The following IKBKB variants were observed in gnomAD, a reference collection of about 807,000 sequenced individuals.
The protein encoded by IKBKB is inhibitor of nuclear factor kappa-B kinase subunit beta.
IKBKB carries 42 observed loss-of-function variants against 113.6 expected under a neutral mutation model. The ratio of observed to expected loss-of-function variants is 0.37; its 90% CI spans 0.29 to 0.48. The LOEUF (loss-of-function observed/expected upper bound fraction) is 0.48. Among genes scored for constraint, IKBKB ranks in the 20% least tolerant of loss-of-function variants. IKBKB has a pLI of 0.99. For missense variants in IKBKB, 673 were observed against 939.7 expected, an observed-to-expected ratio of 0.72 and a Z score of 3.71; for synonymous variants, 296 against 361.3, an observed-to-expected ratio of 0.82 and a Z score of 2.05.
chr8:42,288,939 C>T lies in IKBKB; in HGVS notation c.200+211C>T, dbSNP rs112182118. Among the ~76,000 whole-genome samples the T allele has an allele frequency of 4.6e-4, 70 of 152,242 alleles. 2 individuals carry two copies. Among genetic ancestry groups the T allele is most frequent in the African/African-American group, 1.4e-3 (58 of 41,542 alleles). On this transcript the variant is annotated intron_variant, in intron 3 of 21. Transcript: ENST00000520810. ...TCTACTAAAAATACAAAAAATTAGC[C>T]GGGCATGGGTGGGCGCCTGTAGTCC...
At chr8:42,276,553 C>T (rs1345347640) in intron 2 of IKBKB, among the ~76,000 whole-genome samples, 1 of 152,084 alleles carries the variant, frequency 6.6e-6, no homozygotes, top group Non-Finnish European at 1.5e-5. Context: ...CCATAGGTTC[C>T]ATAGGTTTAT....
At chr8:42,299,323 C>G (rs778702379) in intron 5 of IKBKB, among the ~76,000 whole-genome samples, 49 of 152,188 alleles carry the variant, frequency 3.2e-4, no homozygotes, top group Non-Finnish European at 1.8e-4. Context: ...GCGACCTCCT[C>G]CCTGGCCTCC....
At chr8:42,295,278 C>T (rs1456969367) in intron 5 of IKBKB, among the ~76,000 whole-genome samples, 1 of 152,082 alleles carries the variant, frequency 6.6e-6, no homozygotes, top group Non-Finnish European at 1.5e-5. Flanking sequence ...ACCACCACAC[C>T]TGGCTAATTG....
intron 2 of IKBKB, among the ~76,000 whole-genome samples, chr8:42,272,694 C>T (rs1808042068): frequency 1.3e-5 from 2 of 152,098 alleles, no homozygotes; most frequent in Non-Finnish European, 2.9e-5. Context: ...AATCTCAGCA[C>T]TTTGGGAGGC....
Position 42,318,634 on chromosome 8 carries a change from G to A in IKBKB, c.1323G>A (p.Lys441=), listed in dbSNP as rs764524196. 1.2e-6 allele frequency: 2 copies of A among 1,613,920 alleles called. No individual in the cohort carries two copies. The highest frequency in any genetic ancestry group is 4.5e-5 in the East Asian group (2 of 44,884). The part of the protein sequence containing the change: ...GQVWHSIQTL[K]EDCNRLQQGQ... ...TCTGGCACAGCATCCAGACCCTGAA[G>A]GAAGATTGCAACCGGCTGCAGCAGG... is the stretch of plus-strand genomic sequence containing the variant. The change falls in exon 13 of 22, where the codon AAG becomes AAA. Residue 441 remains lysine, a synonymous_variant. Coordinates refer to ENST00000520810, the MANE Select transcript of IKBKB (RefSeq NM_001556.3).
At chr8:42,280,310 T>G (rs772894370) in intron 2 of IKBKB, among the ~76,000 whole-genome samples, 2 of 152,178 alleles carry the variant, frequency 1.3e-5, no homozygotes, top group Non-Finnish European at 2.9e-5. Flanking sequence ...GGCCTCACCA[T>G]TCCACATTGT....
At chr8:42,319,542 T>C in intron 14 of IKBKB, 43 bp from the exon 15 acceptor site, 3 of 1,581,722 alleles carry the variant, frequency 1.9e-6, no homozygotes, top group Non-Finnish European at 2.6e-6. Flanking sequence ...TGTGGTGTTT[T>C]TATTTTGTTT....
intron 8 of IKBKB, among the ~76,000 whole-genome samples, chr8:42,311,214 A>G (rs1232842722): frequency 1.3e-5 from 2 of 152,252 alleles, no homozygotes; most frequent in African/African-American, 2.4e-5. Flanking sequence ...TAATGAAAAC[A>G]AAACATGAAT....
intron 4 of IKBKB, among the ~76,000 whole-genome samples, chr8:42,290,944 G>C (rs1049468804): frequency 1.3e-5 from 2 of 152,180 alleles, no homozygotes; most frequent in Non-Finnish European, 2.9e-5. Flanking sequence ...CCCTATGACA[G>C]TACCACACAG....
At position 42,331,405 on chromosome 8, in the gene IKBKB, G is replaced by A. The variant is rs1286107699; in HGVS notation, c.*426G>A. 1.4e-6 allele frequency: 1 copy of A among 702,682 alleles called. No individual in the cohort carries two copies. The highest frequency in any genetic ancestry group is 1.7e-5 in the African/African-American group (1 of 57,254). The allele number at this position is 702,682 out of a possible 1,614,324, so 43.5% of individuals were successfully genotyped here. On this transcript the variant is annotated 3_prime_UTR_variant, in exon 22 of 22. Coordinates refer to ENST00000520810, the MANE Select transcript of IKBKB (RefSeq NM_001556.3). The stretch of plus-strand genomic sequence containing the variant: ...GACAGTGTCCAATTCAAATCTTTCA[G>A]GGCAGAGTCCGAGCAGCGCTTGGTG...
intron 5 of IKBKB, among the ~76,000 whole-genome samples, chr8:42,303,837 A>AT (rs1443409929): frequency 6.6e-6 from 1 of 152,020 alleles, no homozygotes; most frequent in Admixed American, 6.5e-5. Context: ...TTTCTTATTG[A>AT]TTTATAAGAG....
At chr8:42,280,248 C>T (rs1199790670) in intron 2 of IKBKB, among the ~76,000 whole-genome samples, 6 of 152,234 alleles carry the variant, frequency 3.9e-5, no homozygotes, top group African/African-American at 9.6e-5. Flanking sequence ...AGTGAACAAG[C>T]GAGCCCCACC....
intron 2 of IKBKB, among the ~76,000 whole-genome samples, chr8:42,276,817 C>T (rs1316113091): frequency 6.6e-6 from 1 of 150,866 alleles, no homozygotes; most frequent in Non-Finnish European, 1.5e-5. Context: ...GCCTCAGCCT[C>T]CTGAGTAGCT....
At position 42,330,388 on chromosome 8, in the gene IKBKB, G is replaced by A. The variant is rs557411128; in HGVS notation, c.2206-526G>A. The A allele has an allele frequency of 9.7e-5, 84 of 867,458 alleles. No individual in the cohort carries two copies. The South Asian group carries it at 4.1e-3, about 42-fold the overall frequency. 53.7% of individuals were successfully genotyped at this position (867,458 alleles called of 1,614,324 possible). On this transcript the variant is annotated intron_variant, in intron 21 of 21. Transcript: ENST00000520810. ...TTTTATGCAGCCTGGGTCTTGCTATGTTGCCCAGGCTGGTCTTGAACTCCT... is the reference window on the plus strand; with the variant it reads ...TTTTATGCAGCCTGGGTCTTGCTATATTGCCCAGGCTGGTCTTGAACTCCT...
intron 2 of IKBKB, among the ~76,000 whole-genome samples, chr8:42,277,085 C>T (rs1262092085): frequency 1.3e-4 from 19 of 151,218 alleles, no homozygotes; most frequent in South Asian, 2.1e-4. Context: ...TTAGCCAGGA[C>T]GGTCTCAATC....
chr8:42,302,515 C>T (rs181903811), intron 5 of IKBKB, among the ~76,000 whole-genome samples: 35 of 152,176 alleles, frequency 2.3e-4, no homozygotes, highest in Middle Eastern at 6.8e-3. Flanking sequence ...ATCCCAAAGT[C>T]CAAAATCTAA....
chr8:42,299,723 C>T (rs779759244), intron 5 of IKBKB, among the ~76,000 whole-genome samples: 9 of 152,214 alleles, frequency 5.9e-5, no homozygotes, highest in African/African-American at 1.7e-4. Context: ...TGGCCTTGCA[C>T]GCGTTGCCCC....
intron 5 of IKBKB, chr8:42,298,165 C>T: frequency 1.0e-6 from 1 of 985,444 alleles, no homozygotes; most frequent in East Asian, 1.1e-4. Flanking sequence ...AAGGGAGGCT[C>T]AAAATTCTGG....
chr8:42,325,228 G>A lies in IKBKB; in HGVS notation c.1987-742G>A, dbSNP rs1820518137. 3.0e-6 allele frequency: 3 copies of A among 985,538 alleles called. No individual in the cohort carries two copies. In the African/African-American group the frequency reaches 5.2e-5, roughly 17 times the overall value. The allele number at this position is 985,538 out of a possible 1,614,324, so 61.0% of individuals were successfully genotyped here. ...TGGGAACCCCTGCTTGACCCTTCGGGCTGGGAGGGGCAGTGGCTGCAGCCC... is the reference window on the plus strand; with the variant it reads ...TGGGAACCCCTGCTTGACCCTTCGGACTGGGAGGGGCAGTGGCTGCAGCCC... On this transcript the variant is annotated intron_variant, in intron 19 of 21. Transcript: ENST00000520810.
Sources: allele counts gnomAD v4.1 joint callset (sites outside exome capture counted in the v4.1 genomes callset), GRCh38; gene constraint gnomAD v4.1.1; transcripts MANE v1.5; gene names NCBI Gene and HGNC (gene_info 2026-07-23, HGNC 2026-07-21).